The following PLAC8 variants were observed in gnomAD, a reference collection of about 807,000 sequenced individuals.
PLAC8 encodes placenta associated 8.
Under a neutral mutation model 12.6 loss-of-function variants are expected in PLAC8, and 6 were observed. That is an observed-to-expected ratio of 0.48 (90% CI 0.26 to 0.94). The LOEUF (loss-of-function observed/expected upper bound fraction) is 0.94, where lower values mean the gene tolerates loss of function less well. Ranked by LOEUF, PLAC8 falls within the 40% of genes least tolerant of loss-of-function variation. PLAC8 has a pLI of 0.14. For synonymous variants in PLAC8, 54 were observed against 52.6 expected, an observed-to-expected ratio of 1.03 and a Z score of -0.11; for missense variants, 122 against 152.7, an observed-to-expected ratio of 0.80 and a Z score of 1.06.
intron 3 of PLAC8, 48 bp from the exon 4 acceptor site, chr4:83,094,839 G>T (rs903837991): frequency 1.8e-6 from 2 of 1,126,530 alleles, no homozygotes; most frequent in South Asian, 1.6e-5. Flanking sequence ...CACCTATTTG[G>T]AATTAAGACT....
At chr4:83,108,589 A>T (rs1217443271) in intron 1 of PLAC8, among the ~76,000 whole-genome samples, 1 of 152,154 alleles carries the variant, frequency 6.6e-6, no homozygotes, top group Admixed American at 6.5e-5. Context: ...GTGAGACTCC[A>T]CCTCAACAAA....
chr4:83,105,522 G>A (rs2126142786), intron 2 of PLAC8, among the ~76,000 whole-genome samples: 1 of 152,348 alleles, frequency 6.6e-6, no homozygotes, highest in African/African-American at 2.4e-5. Flanking sequence ...GAGGTAATCT[G>A]GCATATCCTG....
intron 3 of PLAC8, among the ~76,000 whole-genome samples, chr4:83,102,735 G>A (rs975519176): frequency 6.6e-6 from 1 of 152,200 alleles, no homozygotes; most frequent in African/African-American, 2.4e-5. Context: ...AGATGTCACT[G>A]AATTGCTGCA....
At chr4:83,110,659 G>A (rs1021833968) in intron 1 of PLAC8, among the ~76,000 whole-genome samples, 9 of 152,188 alleles carry the variant, frequency 5.9e-5, no homozygotes, top group Admixed American at 2.6e-4. Context: ...GCAAACAGTG[G>A]CGAGAGCCCA....
intron 2 of PLAC8, among the ~76,000 whole-genome samples, chr4:83,106,004 T>C (rs1001178179): frequency 6.6e-6 from 1 of 151,978 alleles, no homozygotes; most frequent in African/African-American, 2.4e-5. Context: ...ATTTTTATTT[T>C]ATTTTATTTA....
intron 2 of PLAC8, 66 bp downstream of exon 2, chr4:83,107,738 G>A: frequency 1.2e-6 from 1 of 830,918 alleles, no homozygotes. Context: ...AGGAATGGGG[G>A]AAGGATTGAG....
At chr4:83,107,620 CTTTTTTTTTTTTTTTTTTTTTTTT>C (rs70946974) in intron 2 of PLAC8, among the ~76,000 whole-genome samples, 160 bp downstream of exon 2, 2 of 13,836 alleles carry the variant, frequency 1.4e-4, no homozygotes, top group Non-Finnish European at 1.9e-4. Context: ...CATACGGAGG[CTTTTTTTTTTTTTTTTTTTTTTTT>C]TTTTTTTTTT....
intron 3 of PLAC8, among the ~76,000 whole-genome samples, chr4:83,102,178 G>A (rs2126141842): frequency 6.6e-6 from 1 of 152,112 alleles, no homozygotes; most frequent in South Asian, 2.1e-4. Context: ...GATGGATCTA[G>A]GGAAAATAAA....
At chr4:83,100,040 G>T (rs1421644675) in intron 3 of PLAC8, among the ~76,000 whole-genome samples, 1 of 149,314 alleles carries the variant, frequency 6.7e-6, no homozygotes, top group Non-Finnish European at 1.5e-5. Context: ...GGCGCGCGAG[G>T]CGGGCAGATC....
At chr4:83,096,862 T>A (rs1474304909) in intron 3 of PLAC8, among the ~76,000 whole-genome samples, 3 of 152,310 alleles carry the variant, frequency 2.0e-5, no homozygotes, top group South Asian at 2.1e-4. Flanking sequence ...GTTTCCACCA[T>A]CCAACATCCT....
At chr4:83,098,562 T>G (rs1229390880) in intron 3 of PLAC8, among the ~76,000 whole-genome samples, 4 of 152,218 alleles carry the variant, frequency 2.6e-5, no homozygotes, top group African/African-American at 9.6e-5. Context: ...GGTTTTCTCT[T>G]TCAAAGATGA....
In PLAC8 at chr4:83,094,852, C is replaced by T. The variant is rs544353342; in HGVS notation, c.244-61G>A. The T allele has an allele frequency of 8.5e-5, 82 of 961,858 alleles. 1 individual carries two copies. The South Asian group carries it at 1.4e-3, about 17-fold the overall frequency. The allele number at this position is 961,858 out of a possible 1,614,324, so 59.6% of individuals were successfully genotyped here. ...TTCACCTATTTGGAATTAAGACTTG[C>T]CACATCTTGAAGAGAAGCAGAAGGC... is the stretch of plus-strand genomic sequence containing the variant. On this transcript the variant is annotated intron_variant, in intron 3 of 4. Coordinates refer to ENST00000311507, the MANE Select transcript of PLAC8 (RefSeq NM_016619.3).
intron 4 of PLAC8, 27 bp from the exon 5 acceptor site, chr4:83,090,998 AT>A (rs778907791): frequency 4.6e-5 from 7 of 152,162 alleles, no homozygotes; most frequent in Non-Finnish European, 1.0e-4. Flanking sequence ...AGAGTTTTGA[AT>A]TTTCTTAAGG....
intron 3 of PLAC8, among the ~76,000 whole-genome samples, chr4:83,095,585 GGGAGAGGGCACATGTGT>G (rs1326864382): frequency 6.6e-6 from 1 of 152,176 alleles, no homozygotes; most frequent in Non-Finnish European, 1.5e-5. Flanking sequence ...AAGGGGTAGG[GGGAGAGGGCACATGTGT>G]GTAGTGCGGG....
intron 2 of PLAC8, among the ~76,000 whole-genome samples, chr4:83,105,925 C>CA (rs1732225848): frequency 6.6e-6 from 1 of 152,160 alleles, no homozygotes; most frequent in Non-Finnish European, 1.5e-5. Flanking sequence ...AGTGAAAAAA[C>CA]CAACACAATT....
chr4:83,108,629 C>T (rs538583401), intron 1 of PLAC8, among the ~76,000 whole-genome samples: 3 of 152,100 alleles, frequency 2.0e-5, no homozygotes, highest in African/African-American at 7.2e-5. Flanking sequence ...ACAGAATTCA[C>T]GGAACTGGGA....
At chr4:83,111,198 G>T (rs1385002257) in intron 1 of PLAC8, among the ~76,000 whole-genome samples, 1 of 152,116 alleles carries the variant, frequency 6.6e-6, no homozygotes, top group Admixed American at 6.6e-5. Flanking sequence ...TGAGCTCCTG[G>T]CCTCAAGTGA....
intron 2 of PLAC8, among the ~76,000 whole-genome samples, chr4:83,105,926 C>A (rs7688647): frequency 0.86 from 130,189 of 152,192 alleles, 55,814 homozygotes; most frequent in East Asian, 1. Context: ...GTGAAAAAAC[C>A]AACACAATTG....
intron 1 of PLAC8, among the ~76,000 whole-genome samples, chr4:83,111,045 A>G (rs1732413161): frequency 6.6e-6 from 1 of 152,116 alleles, no homozygotes; most frequent in Non-Finnish European, 1.5e-5. Context: ...AATTCACTGC[A>G]GCCTGGAACT....
Sources: allele counts gnomAD v4.1 joint callset (sites outside exome capture counted in the v4.1 genomes callset), GRCh38; gene constraint gnomAD v4.1.1; transcripts MANE v1.5; gene names NCBI Gene and HGNC (gene_info 2026-07-23, HGNC 2026-07-21).